Variants in GPHN observed in about 807,000 individuals in gnomAD.
GPHN encodes gephyrin.
In GPHN, 17 loss-of-function variants were observed where a neutral mutation model predicts 95.5. The observed-to-expected ratio is 0.18, with a 90% CI of 0.12 to 0.27. The LOEUF (loss-of-function observed/expected upper bound fraction) is 0.27, where lower values mean the gene tolerates loss of function less well. Among genes scored for constraint, GPHN ranks in the 10% least tolerant of loss-of-function variants. The probability of loss-of-function intolerance (pLI) is 1.00; values close to 1 mark genes in which losing one functional copy is unlikely to be tolerated. For synonymous variants in GPHN, 320 were observed against 322.5 expected (o/e 0.99, Z 0.08); for missense variants, 660 against 978.1 (o/e 0.67, Z 4.34).
At chr14:66,819,349 C>A (rs2061100719) in intron 3 of GPHN, among the ~76,000 whole-genome samples, 1 of 151,856 alleles carries the variant, frequency 6.6e-6, no homozygotes, top group Admixed American at 6.6e-5. Flanking sequence ...TAGGTTGTTG[C>A]TTGTTTTTGT....
chr14:66,736,230 A>T (rs764671412), intron 2 of GPHN, among the ~76,000 whole-genome samples: 1 of 152,024 alleles, frequency 6.6e-6, no homozygotes, highest in Non-Finnish European at 1.5e-5. Flanking sequence ...ATTTGAGTAT[A>T]TTTGGTAGTC....
chr14:67,302,264 A>T, the GPHN span: 1 of 1,092,390 alleles, frequency 9.2e-7, no homozygotes, highest in Non-Finnish European at 1.2e-6. Flanking sequence ...AAATCTAATT[A>T]CAATTACTCT....
intron 1 of GPHN, among the ~76,000 whole-genome samples, chr14:66,654,918 C>T (rs567431626): frequency 2.0e-5 from 3 of 152,210 alleles, no homozygotes; most frequent in Non-Finnish European, 2.9e-5. Context: ...TGTGTAAAAT[C>T]GGTTGGGCAT....
At chr14:67,078,631 A>G (rs553576422) in intron 11 of GPHN, among the ~76,000 whole-genome samples, 1 of 152,278 alleles carries the variant, frequency 6.6e-6, no homozygotes, top group South Asian at 2.1e-4. Context: ...CAGTACTATT[A>G]TATTCTCTTT....
At chr14:66,865,941 A>G (rs374632737) in intron 4 of GPHN, among the ~76,000 whole-genome samples, 9 of 152,298 alleles carry the variant, frequency 5.9e-5, no homozygotes, top group African/African-American at 2.2e-4. Flanking sequence ...AGGTAGCATC[A>G]AAGGAGGAAA....
At chr14:67,272,872 T>G in the GPHN span, among the ~76,000 whole-genome samples, 1 of 152,164 alleles carries the variant, frequency 6.6e-6, no homozygotes, top group Non-Finnish European at 1.5e-5. Context: ...TATCACCATA[T>G]TGCCCAGGCT....
the GPHN span, among the ~76,000 whole-genome samples, chr14:67,500,764 G>T: frequency 6.6e-6 from 1 of 151,320 alleles, no homozygotes; most frequent in East Asian, 2.0e-4. Flanking sequence ...CTAGAGACGG[G>T]GTTTCACCGT....
At chr14:67,650,510 T>TTAATC in the GPHN span, 4 of 585,452 alleles carry the variant, frequency 6.8e-6, no homozygotes, top group African/African-American at 7.5e-5. Flanking sequence ...AAGGTTTCTT[T>TTAATC]TAATCTACTA....
At chr14:67,707,816 G>C in the GPHN span, among the ~76,000 whole-genome samples, 4 of 152,120 alleles carry the variant, frequency 2.6e-5, no homozygotes, top group African/African-American at 9.7e-5. Flanking sequence ...GGTAAACTTG[G>C]GGCTCCTGGG....
In GPHN at chr14:66,776,464, G is replaced by A. The variant is rs1381377609; in HGVS notation, c.144G>A (p.Leu48=). ...GAATATTTTCTTCTCCTAATTTCAG[G>A]TTGGGTGGGACTATATCAGCATACA... is the stretch of plus-strand genomic sequence containing the variant. The part of the protein sequence containing the change: ...NLKDLVQDPS[L]LGGTISAYKI... The change falls in exon 3 of 23, where the codon TTG becomes TTA. Residue 48 remains leucine, a splice_region_variant and synonymous_variant. Transcript: ENST00000478722. 4 of 1,534,438 alleles carry A rather than the reference G, an allele frequency of 2.6e-6. No individual in the cohort carries two copies. Among genetic ancestry groups the A allele is most frequent in the African/African-American group, 1.4e-5 (1 of 72,394 alleles).
chr14:67,661,914 T>C, the GPHN span, among the ~76,000 whole-genome samples: 4 of 151,992 alleles, frequency 2.6e-5, no homozygotes, highest in East Asian at 5.8e-4. Context: ...CCCTGTACTT[T>C]GGGAGGCCGA....
the GPHN span, among the ~76,000 whole-genome samples, chr14:67,707,261 T>C: frequency 6.6e-6 from 1 of 152,150 alleles, no homozygotes; most frequent in Non-Finnish European, 1.5e-5. Flanking sequence ...TAGAAAACAA[T>C]AAAAATTGCA....
chr14:66,686,440 T>C (rs2067366715), intron 2 of GPHN, among the ~76,000 whole-genome samples: 1 of 152,250 alleles, frequency 6.6e-6, no homozygotes, highest in African/African-American at 2.4e-5. Flanking sequence ...CAGTGGTTTG[T>C]AGTTCTCCTT....
At chr14:66,931,783 T>G in intron 8 of GPHN, among the ~76,000 whole-genome samples, 1 of 152,226 alleles carries the variant, frequency 6.6e-6, no homozygotes, top group Non-Finnish European at 1.5e-5. Context: ...ATCTTTCATT[T>G]TGTTGAGCTT....
At chr14:67,619,724 C>G in the GPHN span, 5,781 of 417,390 alleles carry the variant, frequency 0.014, 279 homozygotes, top group African/African-American at 0.1. Context: ...TGTCCCTGGC[C>G]GGAGAGCACA....
the GPHN span, among the ~76,000 whole-genome samples, chr14:67,603,752 A>G: frequency 6.6e-6 from 1 of 152,206 alleles, no homozygotes. Context: ...ATCTTGGCTC[A>G]CCACAACCTC....
At chr14:66,882,606 T>C (rs1051892511) in intron 5 of GPHN, among the ~76,000 whole-genome samples, 1 of 151,726 alleles carries the variant, frequency 6.6e-6, no homozygotes, top group East Asian at 1.9e-4. Context: ...ATAATAAAGA[T>C]GTTAATAGTA....
the GPHN span, among the ~76,000 whole-genome samples, chr14:67,501,044 T>TTAATAATCA: frequency 7.3e-6 from 1 of 137,384 alleles, no homozygotes; most frequent in East Asian, 2.1e-4. Context: ...TACTTGGGGG[T>TTAATAATCA]TAATAATAAT....
chr14:67,656,430 GT>G, the GPHN span: 10 of 1,612,088 alleles, frequency 6.2e-6, no homozygotes, highest in South Asian at 1.1e-4. Context: ...CTCTTGGTAC[GT>G]TCTAACTGGT....
Sources: gnomAD v4.1 joint callset for allele counts (sites outside exome capture counted in the v4.1 genomes callset) on GRCh38, gnomAD v4.1.1 for gene constraint, MANE v1.5 for transcripts, NCBI Gene and HGNC (gene_info 2026-07-23, HGNC 2026-07-21) for gene names.